Variants in PLEKHA6 observed in about 807,000 individuals in gnomAD.
PLEKHA6 encodes the protein pleckstrin homology domain containing A6.
Under a neutral mutation model 116.7 loss-of-function variants are expected in PLEKHA6, and 60 were observed. That is an observed-to-expected ratio of 0.51 (90% CI 0.42 to 0.64). The LOEUF is 0.64. Ranked by LOEUF, PLEKHA6 falls within the 30% of genes least tolerant of loss-of-function variation. The pLI, the probability that PLEKHA6 is intolerant of heterozygous loss-of-function variation, is 0.00. For missense variants in PLEKHA6, 1,338 were observed against 1,422.7 expected (o/e 0.94, Z 0.96); for synonymous variants, 489 against 556.1 (o/e 0.88, Z 1.70).
chr1:204,290,686 C>T (rs1669655580), intron 1 of PLEKHA6, among the ~76,000 whole-genome samples: 1 of 152,132 alleles, frequency 6.6e-6, no homozygotes, highest in African/African-American at 2.4e-5. Flanking sequence ...TTTAAGTTTG[C>T]TCTTCAAAAG....
intron 1 of PLEKHA6, among the ~76,000 whole-genome samples, chr1:204,348,417 T>C (rs1422119519): frequency 6.6e-6 from 1 of 152,052 alleles, no homozygotes; most frequent in African/African-American, 2.4e-5. Flanking sequence ...CCTTGCCCGT[T>C]CTTCTGTTTG....
In PLEKHA6 at chr1:204,274,712, G is replaced by A. The variant is rs757120953; in HGVS notation, c.-14+17C>T. On this transcript the variant is annotated intron_variant, in intron 2 of 22. Transcript: ENST00000272203. Reference sequence around the variant, plus strand: ...TAAGGGCAGAAAGCCCAAACAGCAAGTAGGGGACACACTTACATTTTCAAG... The same window carrying A: ...TAAGGGCAGAAAGCCCAAACAGCAAATAGGGGACACACTTACATTTTCAAG... 6.7e-5 allele frequency: 66 copies of A among 985,786 alleles called. No homozygotes were observed. The highest frequency in any genetic ancestry group is 7.6e-5 in the Non-Finnish European group (63 of 829,956). 61.1% of individuals were successfully genotyped at this position (985,786 alleles called of 1,614,324 possible).
intron 1 of PLEKHA6, among the ~76,000 whole-genome samples, chr1:204,296,819 G>T (rs1233807833): frequency 1.3e-5 from 2 of 152,228 alleles, no homozygotes; most frequent in African/African-American, 2.4e-5. Flanking sequence ...AGAGCAGAGA[G>T]TGGGGCCTGC....
At chr1:204,229,237 A>T (rs1373536293) in intron 18 of PLEKHA6, 133 bp from the exon 19 acceptor site, 1 of 807,992 alleles carries the variant, frequency 1.2e-6, no homozygotes, top group Non-Finnish European at 1.9e-6. Flanking sequence ...ACCATACCCC[A>T]CTGCAGAACT....
chr1:204,309,298 C>T (rs115617902), intron 1 of PLEKHA6, among the ~76,000 whole-genome samples: 1,581 of 152,260 alleles, frequency 0.01, 24 homozygotes, highest in African/African-American at 0.034. Flanking sequence ...GAACCTTAAA[C>T]TCAGCATGCT....
chr1:204,223,549 G>A lies in PLEKHA6; in HGVS notation c.3068C>T (p.Ala1023Val). ...CATPSPPTSP[A>V]SPAPPANPLS... ...GGGGTTTGCTGGAGGAGCCGGGGAA[G>A]CAGGGGAGGTGGGAGGGCTTGGGGT... The change falls in exon 22 of 23, where the codon GCT (alanine) becomes GTT (valine). Residue 1023 changes from alanine (A) to valine (V), a missense_variant. Coordinates refer to ENST00000272203, the MANE Select transcript of PLEKHA6 (RefSeq NM_014935.5). The surrounding 1 kb of genome is among the most constrained non-coding windows in gnomAD (Gnocchi z 4.8). 6.5e-7 allele frequency: 1 copy of A among 1,548,884 alleles called. No homozygotes were observed.
At chr1:204,313,022 T>C (rs1418682905) in intron 1 of PLEKHA6, among the ~76,000 whole-genome samples, 1 of 143,242 alleles carries the variant, frequency 7.0e-6, no homozygotes, top group African/African-American at 2.6e-5. Flanking sequence ...TTTCTTTCTT[T>C]TCTTTTCTTT....
intron 21 of PLEKHA6, among the ~76,000 whole-genome samples, chr1:204,227,495 A>G (rs1472567002): frequency 6.6e-6 from 1 of 152,206 alleles, no homozygotes; most frequent in African/African-American, 2.4e-5. Context: ...CCCTATCAGC[A>G]TCTAGTCAGG....
At chr1:204,321,755 A>G (rs1672070389) in intron 1 of PLEKHA6, among the ~76,000 whole-genome samples, 1 of 152,208 alleles carries the variant, frequency 6.6e-6, no homozygotes, top group Non-Finnish European at 1.5e-5. Context: ...GACAAGGACC[A>G]TGTCAAATGC....
intron 10 of PLEKHA6, 28 bp downstream of exon 10, chr1:204,250,518 G>A (rs1340757361): frequency 2.6e-6 from 4 of 1,542,516 alleles, no homozygotes; most frequent in Non-Finnish European, 3.6e-6. Flanking sequence ...CTGGAGTGGA[G>A]GGAGGGAGCA....
chr1:204,244,768 T>TG (rs1185417781), intron 15 of PLEKHA6, 96 bp downstream of exon 15: 1 of 939,668 alleles, frequency 1.1e-6, no homozygotes, highest in Non-Finnish European at 1.5e-6. Flanking sequence ...TGGAGGCCTG[T>TG]GGGGAAGAGA....
intron 1 of PLEKHA6, among the ~76,000 whole-genome samples, chr1:204,292,336 G>T (rs1367416081): frequency 6.6e-6 from 1 of 152,226 alleles, no homozygotes; most frequent in Non-Finnish European, 1.5e-5. Context: ...GAAGCTGGAA[G>T]TGTTGGCTGA....
intron 1 of PLEKHA6, among the ~76,000 whole-genome samples, chr1:204,332,223 G>A (rs755314209): frequency 2.0e-5 from 3 of 152,154 alleles, no homozygotes; most frequent in African/African-American, 4.8e-5. Context: ...TCATGCCCAC[G>A]CTGGGAAGTC....
chr1:204,276,681 G>C (rs1336420697), intron 1 of PLEKHA6, among the ~76,000 whole-genome samples: 1 of 129,824 alleles, frequency 7.7e-6, no homozygotes, highest in African/African-American at 2.9e-5. Context: ...CACACACACA[G>C]AAGCATACAC....
At chr1:204,226,667 C>T (rs945676688) in intron 21 of PLEKHA6, among the ~76,000 whole-genome samples, 1 of 152,236 alleles carries the variant, frequency 6.6e-6, no homozygotes, top group Admixed American at 6.5e-5. Flanking sequence ...CTAAAGACAG[C>T]CTCTCCCTGA....
intron 1 of PLEKHA6, among the ~76,000 whole-genome samples, chr1:204,376,400 T>C (rs954295602): frequency 6.6e-6 from 1 of 152,362 alleles, no homozygotes; most frequent in Admixed American, 6.5e-5. Context: ...ACTGCAGTTT[T>C]AATATTGCAG....
intron 2 of PLEKHA6, chr1:204,274,510 C>T: frequency 1.4e-6 from 1 of 738,538 alleles, no homozygotes; most frequent in Middle Eastern, 6.9e-4. Flanking sequence ...GTGGGGTGCA[C>T]CACCCTGGCT....
At chr1:204,345,192 T>C (rs1672991564) in intron 1 of PLEKHA6, among the ~76,000 whole-genome samples, 1 of 152,200 alleles carries the variant, frequency 6.6e-6, no homozygotes, top group Non-Finnish European at 1.5e-5. Context: ...ACTTTGGCCT[T>C]GGTTCTGACA....
At position 204,282,889 on chromosome 1, in the gene PLEKHA6, C is replaced by A; in HGVS notation, c.-94-8080G>T. Reference sequence around the variant, plus strand: ...TCTCAGCCTTTCCTCAGTAGCTAAGCCAGACAGAAGCAGAGAAAAAAGGCC... The same window carrying A: ...TCTCAGCCTTTCCTCAGTAGCTAAGACAGACAGAAGCAGAGAAAAAAGGCC... On this transcript the variant is annotated intron_variant, in intron 1 of 22. Transcript: ENST00000272203. The A allele has an allele frequency of 3.7e-6, 3 of 802,960 alleles. No homozygotes were observed. In the South Asian group the frequency reaches 1.7e-4, roughly 46 times the overall value. 49.7% of individuals were successfully genotyped at this position (802,960 alleles called of 1,614,324 possible).
Sources: gnomAD v4.1 joint callset for allele counts (sites outside exome capture counted in the v4.1 genomes callset) on GRCh38, gnomAD v4.1.1 for gene constraint, Gnocchi (gnomAD v3.1) non-coding constraint, MANE v1.5 for transcripts, NCBI Gene and HGNC (gene_info 2026-07-23, HGNC 2026-07-21) for gene names.